The following ZNF469 variants were observed in gnomAD, a reference collection of about 807,000 sequenced individuals.
ZNF469 encodes the protein zinc finger protein 469.
In ZNF469, 1 loss-of-function variant was observed where a neutral mutation model predicts 1.0. The ratio of observed to expected loss-of-function variants is 1.00; its 90% CI spans 0.35 to 4.73. The LOEUF (loss-of-function observed/expected upper bound fraction) is 4.73. ZNF469 is among the 30% of genes most tolerant of loss of function. The pLI, the probability that ZNF469 is intolerant of heterozygous loss-of-function variation, is 0.16. For missense variants in ZNF469, 6,100 were observed against 5,356.3 expected, an observed-to-expected ratio of 1.14 and a Z score of -4.33; for synonymous variants, 2,703 against 2,363.4, an observed-to-expected ratio of 1.14 and a Z score of -4.17.
chr16:88,345,861 T>C, the ZNF469 span, among the ~76,000 whole-genome samples: 2 of 152,140 alleles, frequency 1.3e-5, no homozygotes, highest in African/African-American at 4.8e-5. Flanking sequence ...GAGGTGACCT[T>C]CAGGCTTCAG....
At chr16:88,288,002 C>T in the ZNF469 span, among the ~76,000 whole-genome samples, 2 of 152,142 alleles carry the variant, frequency 1.3e-5, no homozygotes, top group East Asian at 3.8e-4. Flanking sequence ...CCCAAACTCA[C>T]TCCAGTTGTA....
At chr16:88,156,558 C>G in the ZNF469 span, among the ~76,000 whole-genome samples, 6 of 152,162 alleles carry the variant, frequency 3.9e-5, no homozygotes, top group Admixed American at 1.3e-4. Context: ...GAAGTTGAAG[C>G]GTTAGATTTA....
the ZNF469 span, among the ~76,000 whole-genome samples, chr16:88,195,398 C>T: frequency 2.4e-3 from 372 of 152,232 alleles, 3 homozygotes; most frequent in South Asian, 0.037. Flanking sequence ...GGTGGTTTTG[C>T]GAAAATCCAT....
chr16:88,247,008 TG>T, the ZNF469 span, among the ~76,000 whole-genome samples: 1 of 150,724 alleles, frequency 6.6e-6, no homozygotes, highest in Admixed American at 6.6e-5. Flanking sequence ...AGTGAATGAG[TG>T]AATCAATGAG....
the ZNF469 span, among the ~76,000 whole-genome samples, chr16:88,297,196 G>A: frequency 6.6e-6 from 1 of 152,216 alleles, no homozygotes; most frequent in Non-Finnish European, 1.5e-5. Context: ...CGGCTCAGTG[G>A]CGATGGGAGA....
chr16:88,140,358 C>G, the ZNF469 span, among the ~76,000 whole-genome samples: 12 of 151,086 alleles, frequency 7.9e-5, no homozygotes, highest in African/African-American at 2.9e-4. Context: ...GAGGACGGAG[C>G]CACGTAGAAA....
chr16:88,154,993 C>A, the ZNF469 span, among the ~76,000 whole-genome samples: 1 of 152,208 alleles, frequency 6.6e-6, no homozygotes, highest in Non-Finnish European at 1.5e-5. Flanking sequence ...CATGAGCCAC[C>A]TGTACGGCAG....
intron 1 of ZNF469, among the ~76,000 whole-genome samples, chr16:88,415,193 A>C (rs1348531931): frequency 1.3e-5 from 2 of 152,036 alleles, no homozygotes; most frequent in Non-Finnish European, 1.5e-5. Flanking sequence ...CCCGGTGACC[A>C]CCCGGAACAT....
the ZNF469 span, chr16:88,194,316 T>C: frequency 6.6e-6 from 1 of 152,190 alleles, no homozygotes; most frequent in Non-Finnish European, 1.5e-5. Flanking sequence ...GGGACCTGCT[T>C]GTTTTAGAGA....
intron 1 of ZNF469, among the ~76,000 whole-genome samples, chr16:88,407,197 G>T (rs1361613024): frequency 6.6e-6 from 1 of 152,244 alleles, no homozygotes. Flanking sequence ...CTCCCAAAGG[G>T]GTGAGGTTGG....
chr16:88,274,731 T>C, the ZNF469 span, among the ~76,000 whole-genome samples: 2 of 152,240 alleles, frequency 1.3e-5, no homozygotes, highest in Non-Finnish European at 2.9e-5. Flanking sequence ...TCAATTCTGC[T>C]ATTCAGTTAT....
At chr16:88,268,529 A>G in the ZNF469 span, among the ~76,000 whole-genome samples, 4 of 152,170 alleles carry the variant, frequency 2.6e-5, no homozygotes, top group Middle Eastern at 3.2e-3. Flanking sequence ...CTGTCCCTCA[A>G]TTTGAGTTCT....
the ZNF469 span, among the ~76,000 whole-genome samples, chr16:88,131,971 G>T: frequency 6.6e-6 from 1 of 152,226 alleles, no homozygotes; most frequent in South Asian, 2.1e-4. Context: ...GCGCATCTCC[G>T]GGGCTGCTGA....
chr16:88,144,253 C>T, the ZNF469 span, among the ~76,000 whole-genome samples: 1 of 152,336 alleles, frequency 6.6e-6, no homozygotes, highest in African/African-American at 2.4e-5. Flanking sequence ...GCAGAGCTGC[C>T]AGTCCCTACT....
In ZNF469 at chr16:88,386,461, C is replaced by T. The variant is rs2092536976; in HGVS notation, c.-192+3207C>T. Among the ~76,000 whole-genome samples the T allele has an allele frequency of 3.9e-5, 6 of 152,302 alleles. 1 individual carries two copies. The highest frequency in any genetic ancestry group is 6.8e-3 in the Middle Eastern group (2 of 294). On this transcript the variant is annotated intron_variant, in intron 1 of 2. Coordinates refer to ENST00000565624, the MANE Select transcript of ZNF469 (RefSeq NM_001367624.2). Reference sequence around the variant, plus strand: ...CCCTCGTGGGAACACCCCTCCTCTCCCTGCTGCCCTCACGCATCCTGCATC... The same window carrying T: ...CCCTCGTGGGAACACCCCTCCTCTCTCTGCTGCCCTCACGCATCCTGCATC...
chr16:88,351,881 A>G, the ZNF469 span, among the ~76,000 whole-genome samples: 1 of 152,290 alleles, frequency 6.6e-6, no homozygotes, highest in Admixed American at 6.5e-5. Flanking sequence ...ATCTCATTTG[A>G]TGTCTATAGT....
At chr16:88,237,522 C>G in the ZNF469 span, among the ~76,000 whole-genome samples, 1 of 132,982 alleles carries the variant, frequency 7.5e-6, no homozygotes, top group African/African-American at 2.9e-5. Context: ...GCTCCTGCCA[C>G]GCACCCTCCC....
chr16:88,274,500 A>G, the ZNF469 span, among the ~76,000 whole-genome samples: 4 of 152,388 alleles, frequency 2.6e-5, no homozygotes, highest in South Asian at 8.3e-4. Context: ...TGACCGCACC[A>G]ATAGAAGTTT....
chr16:88,337,080 A>T, the ZNF469 span, among the ~76,000 whole-genome samples: 1 of 152,168 alleles, frequency 6.6e-6, no homozygotes, highest in South Asian at 2.1e-4. Flanking sequence ...CCGTTCACCA[A>T]ATGATCAGCA....
Sources: gnomAD v4.1 joint callset for allele counts (sites outside exome capture counted in the v4.1 genomes callset) on GRCh38, gnomAD v4.1.1 for gene constraint, MANE v1.5 for transcripts, NCBI Gene and HGNC (gene_info 2026-07-23, HGNC 2026-07-21) for gene names.